ARSB: variants seen among roughly 807,000 people sequenced by gnomAD.
The protein encoded by ARSB is arylsulfatase B, also known as N-acetylgalactosamine-4-sulfatase.
A neutral mutation model predicts 50.9 loss-of-function variants in ARSB; 41 were observed. The observed-to-expected ratio is 0.81, with a 90% confidence interval of 0.63 to 1.04. ARSB has a LOEUF of 1.04. Ranked by LOEUF, ARSB falls within the 50% of genes least tolerant of loss-of-function variation. ARSB has a pLI of 0.00. For synonymous variants in ARSB, 269 were observed against 284.8 expected (o/e 0.94, Z 0.56); for missense variants, 672 against 693.3 (o/e 0.97, Z 0.35).
chr5:78,796,031 T>C (rs1743167532), intron 6 of ARSB, among the ~76,000 whole-genome samples: 1 of 152,208 alleles, frequency 6.6e-6, no homozygotes, highest in South Asian at 2.1e-4. Flanking sequence ...AGGTCTGACA[T>C]CAGCCAGCAG....
chr5:78,948,654 T>C (rs1751360634), intron 4 of ARSB, among the ~76,000 whole-genome samples: 1 of 152,172 alleles, frequency 6.6e-6, no homozygotes, highest in Admixed American at 6.5e-5. Flanking sequence ...TTTCTAGAAA[T>C]AGGTGCATTT....
intron 3 of ARSB, among the ~76,000 whole-genome samples, chr5:78,956,306 C>A (rs552711708): frequency 3.4e-4 from 51 of 151,986 alleles, no homozygotes; most frequent in Middle Eastern, 6.8e-3. Context: ...TATGAAATTC[C>A]AGAAATATAG....
At chr5:78,874,833 G>T (rs961896840) in intron 5 of ARSB, among the ~76,000 whole-genome samples, 17 of 152,150 alleles carry the variant, frequency 1.1e-4, no homozygotes, top group Admixed American at 6.5e-5. Context: ...ATTAGCCCAG[G>T]AGTGATGGCT....
chr5:78,937,299 GATATATATATCATATATATGTAAGAT>G (rs1225796738), intron 4 of ARSB, among the ~76,000 whole-genome samples: 5 of 126,348 alleles, frequency 4.0e-5, no homozygotes, highest in African/African-American at 9.2e-5. Flanking sequence ...ATATATGTAA[GATATATATATCATATATATGTAAGAT>G]ATATATATGT....
intron 4 of ARSB, among the ~76,000 whole-genome samples, chr5:78,937,725 T>G (rs1022150738): frequency 1.3e-5 from 2 of 151,832 alleles, no homozygotes; most frequent in East Asian, 1.9e-4. Context: ...GCAAGACCCT[T>G]TGGTGCGGGG....
intron 1 of ARSB, among the ~76,000 whole-genome samples, chr5:78,978,269 G>A (rs1752750017): frequency 6.6e-6 from 1 of 151,280 alleles, no homozygotes; most frequent in Non-Finnish European, 1.5e-5. Context: ...AACCCATGAG[G>A]CAGAGGTTAT....
intron 4 of ARSB, among the ~76,000 whole-genome samples, chr5:78,898,167 C>T (rs1316270700): frequency 5.3e-5 from 8 of 152,030 alleles, no homozygotes; most frequent in Non-Finnish European, 1.0e-4. Flanking sequence ...ACTCAGGAGG[C>T]GGAGGCAGGA....
chr5:78,915,550 A>C lies in ARSB; in HGVS notation c.899-29723T>G, dbSNP rs554460372. On this transcript the variant is annotated intron_variant, in intron 4 of 7. Coordinates refer to ENST00000264914, the MANE Select transcript of ARSB (RefSeq NM_000046.5). ...ATACTACATTAATTTGGGGAAAAAAAGAAAAGGAGAGTGAGGGTATGAATA... is the reference window on the plus strand; with the variant it reads ...ATACTACATTAATTTGGGGAAAAAACGAAAAGGAGAGTGAGGGTATGAATA... Among the ~76,000 whole-genome samples, 2 of 152,328 alleles carry C rather than the reference A, an allele frequency of 1.3e-5. 1 individual carries two copies.
At chr5:78,806,823 T>C (rs1182981687) in intron 6 of ARSB, among the ~76,000 whole-genome samples, 1 of 152,190 alleles carries the variant, frequency 6.6e-6, no homozygotes, top group Admixed American at 6.5e-5. Context: ...CACCGGAATG[T>C]GCCATGTGGA....
intron 4 of ARSB, among the ~76,000 whole-genome samples, chr5:78,900,416 A>T (rs1044458192): frequency 1.3e-5 from 2 of 152,146 alleles, no homozygotes; most frequent in Admixed American, 1.3e-4. Context: ...GAAGGTGAGG[A>T]AGCTGGTTGA....
intron 4 of ARSB, among the ~76,000 whole-genome samples, chr5:78,898,033 T>C (rs1748651163): frequency 6.6e-6 from 1 of 152,064 alleles, no homozygotes; most frequent in Non-Finnish European, 1.5e-5. Context: ...TTTGGGAGGC[T>C]GAGGTGGATG....
intron 4 of ARSB, among the ~76,000 whole-genome samples, chr5:78,932,449 C>T (rs575453502): frequency 6.6e-6 from 1 of 152,308 alleles, no homozygotes; most frequent in South Asian, 2.1e-4. Flanking sequence ...AAAATGAAAA[C>T]ATTGTGTGGG....
intron 4 of ARSB, among the ~76,000 whole-genome samples, chr5:78,940,425 A>G (rs1580095574): frequency 6.6e-6 from 1 of 152,282 alleles, no homozygotes; most frequent in East Asian, 1.9e-4. Flanking sequence ...TAGGTCTAAC[A>G]TTTAAGTCTT....
At chr5:78,930,667 G>A (rs893834280) in intron 4 of ARSB, among the ~76,000 whole-genome samples, 3 of 151,944 alleles carry the variant, frequency 2.0e-5, no homozygotes, top group South Asian at 2.1e-4. Context: ...GGATTGTTCT[G>A]TAAGAAAGGA....
At chr5:78,831,894 T>C (rs938517706) in intron 6 of ARSB, among the ~76,000 whole-genome samples, 1 of 152,000 alleles carries the variant, frequency 6.6e-6, no homozygotes, top group Admixed American at 6.5e-5. Flanking sequence ...CAAAAAGAAA[T>C]AAAAATGCCT....
intron 4 of ARSB, among the ~76,000 whole-genome samples, chr5:78,896,366 G>C (rs999534973): frequency 1.3e-5 from 2 of 152,122 alleles, no homozygotes; most frequent in African/African-American, 4.8e-5. Flanking sequence ...CCCTGGAGGG[G>C]AGCCAGGATG....
intron 6 of ARSB, chr5:78,815,986 C>T: frequency 6.4e-7 from 1 of 1,556,026 alleles, no homozygotes. Context: ...GCCACTTCTG[C>T]AGGAGCCACC....
At position 78,985,131 on chromosome 5, in the gene ARSB, C is replaced by A; in HGVS notation, c.118G>T (p.Gly40Trp). 6.8e-7 allele frequency: 1 copy of A among 1,469,744 alleles called. No individual in the cohort carries two copies. The highest frequency in any genetic ancestry group is 2.8e-5 in the East Asian group (1 of 35,328). 91.0% of individuals were successfully genotyped at this position (1,469,744 alleles called of 1,614,324 possible). ...LLLAPPGSGA[G>W]ASRPPHLVFL... ...ACCAGGTGGGGCGGCCGGCTGGCCC[C>A]GGCGCCCGAGCCCGGCGGCGCCAAC... is the stretch of plus-strand genomic sequence containing the variant. Residue 40 changes from glycine (G) to tryptophan (W), a missense_variant, in exon 1 of 8, where the codon GGG (glycine) becomes TGG (tryptophan). Transcript: ENST00000264914.
At chr5:78,796,186 C>T (rs1212057973) in intron 6 of ARSB, among the ~76,000 whole-genome samples, 1 of 152,140 alleles carries the variant, frequency 6.6e-6, no homozygotes, top group Admixed American at 6.5e-5. Flanking sequence ...AAATTTGAGT[C>T]TTGAAAAAAT....
Sources: gnomAD v4.1 joint callset for allele counts (sites outside exome capture counted in the v4.1 genomes callset) on GRCh38, gnomAD v4.1.1 for gene constraint, MANE v1.5 for transcripts, NCBI Gene and HGNC (gene_info 2026-07-23, HGNC 2026-07-21) for gene names.